The following SSBP3 variants were observed in gnomAD, a reference collection of about 807,000 sequenced individuals.
SSBP3 encodes single stranded DNA binding protein 3.
A neutral mutation model predicts 69.6 loss-of-function variants in SSBP3; 5 were observed. The ratio of observed to expected loss-of-function variants is 0.07; its 90% CI spans 0.04 to 0.15. SSBP3 has a LOEUF of 0.15. Among genes scored for constraint, SSBP3 ranks in the 10% least tolerant of loss-of-function variants. SSBP3 has a pLI of 1.00. For missense variants in SSBP3, 312 were observed against 534.0 expected (o/e 0.58, Z 4.10); for synonymous variants, 196 against 193.4 (o/e 1.01, Z -0.11).
At position 54,401,384 on chromosome 1, in the gene SSBP3, A is replaced by ACACACACACACG. The variant is rs527741021; in HGVS notation, c.276+476_276+477insCGTGTGTGTGTG. ...ATGAGCCCACCCACACCAAACACAC[A>ACACACACACACG]CACACACACACACACACACCCATAA... On this transcript the variant is annotated intron_variant, in intron 4 of 17. Transcript: ENST00000610401. Among the ~76,000 whole-genome samples the ACACACACACACG allele has an allele frequency of 1.8e-3, 268 of 151,956 alleles. 15 individuals are homozygous for ACACACACACACG. The South Asian group carries it at 0.04, about 23-fold the overall frequency.
At chr1:54,315,586 A>G (rs1646081107) in intron 4 of SSBP3, among the ~76,000 whole-genome samples, 1 of 151,410 alleles carries the variant, frequency 6.6e-6, no homozygotes, top group Admixed American at 6.6e-5. Flanking sequence ...AATTAAGACA[A>G]CTTTTTTTTA....
At chr1:54,347,370 TAA>T (rs201565456) in intron 4 of SSBP3, among the ~76,000 whole-genome samples, 27 of 140,256 alleles carry the variant, frequency 1.9e-4, no homozygotes, top group Non-Finnish European at 2.2e-4. Flanking sequence ...GTCCCCTTTT[TAA>T]AAAAAAAAAA....
intron 4 of SSBP3, among the ~76,000 whole-genome samples, chr1:54,323,384 C>G (rs1646248347): frequency 6.6e-6 from 1 of 152,200 alleles, no homozygotes; most frequent in African/African-American, 2.4e-5. Flanking sequence ...CAAGACCCCT[C>G]CAGCAGGTGG....
chr1:54,299,844 GCTC>G (rs1172683086), intron 4 of SSBP3, among the ~76,000 whole-genome samples: 3 of 152,114 alleles, frequency 2.0e-5, no homozygotes, highest in Non-Finnish European at 2.9e-5. Context: ...AGGATTTTCT[GCTC>G]CTTGCCACAC....
chr1:54,314,616 C>T (rs1017823856), intron 4 of SSBP3, among the ~76,000 whole-genome samples: 1 of 152,220 alleles, frequency 6.6e-6, no homozygotes, highest in Non-Finnish European at 1.5e-5. Context: ...CTTGAACATG[C>T]TTCCCTAGAC....
chr1:54,377,752 C>G (rs527429093), intron 4 of SSBP3, among the ~76,000 whole-genome samples: 1 of 152,144 alleles, frequency 6.6e-6, no homozygotes, highest in South Asian at 2.1e-4. Context: ...GTTGGTGATA[C>G]GTCCTAGAAA....
intron 4 of SSBP3, among the ~76,000 whole-genome samples, chr1:54,364,895 A>T (rs1647005223): frequency 1.3e-5 from 2 of 152,204 alleles, no homozygotes; most frequent in African/African-American, 4.8e-5. Flanking sequence ...TGAATAGTCC[A>T]AACTAGCGGG....
chr1:54,289,036 ACAAAAAAAC>A (rs770183042), intron 4 of SSBP3, among the ~76,000 whole-genome samples: 47 of 52,658 alleles, frequency 8.9e-4, no homozygotes, highest in South Asian at 2.9e-3. Flanking sequence ...AAAAAAAAAA[ACAAAAAAAC>A]AAAAAAAAAA....
At chr1:54,233,923 G>C (rs1195111519) in intron 14 of SSBP3, among the ~76,000 whole-genome samples, 8 of 152,380 alleles carry the variant, frequency 5.3e-5, no homozygotes, top group Middle Eastern at 3.4e-3. Flanking sequence ...GAAAGGTGGG[G>C]AAAAGATTGA....
chr1:54,339,610 CCTTAAGAAAGGG>C (rs557534766), intron 4 of SSBP3, among the ~76,000 whole-genome samples: 1 of 151,816 alleles, frequency 6.6e-6, no homozygotes, highest in South Asian at 2.1e-4. Flanking sequence ...ATCTCTAGTG[CCTTAAGAAAGGG>C]GAAAGATCAG....
At chr1:54,266,635 C>T (rs1326852728) in intron 5 of SSBP3, among the ~76,000 whole-genome samples, 3 of 152,178 alleles carry the variant, frequency 2.0e-5, no homozygotes, top group Non-Finnish European at 4.4e-5. Context: ...TTGATTTTAA[C>T]CTCACATTTC....
chr1:54,397,847 G>A (rs1186994638), intron 4 of SSBP3, among the ~76,000 whole-genome samples: 1 of 152,144 alleles, frequency 6.6e-6, no homozygotes, highest in Admixed American at 6.6e-5. Flanking sequence ...CCTGCCAAAA[G>A]TTAAGAGCCG....
chr1:54,405,986 G>A (rs756988753), exon 1 of SSBP3: 4 of 1,476,470 alleles, frequency 2.7e-6, no homozygotes, highest in South Asian at 2.5e-5. Context: ...GGGCACCGCC[G>A]AGCCTTTGCC....
chr1:54,232,921 C>G (rs1157026662), intron 14 of SSBP3, among the ~76,000 whole-genome samples: 1 of 152,150 alleles, frequency 6.6e-6, no homozygotes, highest in Non-Finnish European at 1.5e-5. Context: ...GGCGTGATCT[C>G]GGCTCGCTAC....
At chr1:54,289,793 G>A (rs972397622) in intron 4 of SSBP3, among the ~76,000 whole-genome samples, 9 of 151,730 alleles carry the variant, frequency 5.9e-5, no homozygotes, top group Non-Finnish European at 1.0e-4. Context: ...GACGCCACCC[G>A]CCCCCTGCAC....
intron 4 of SSBP3, among the ~76,000 whole-genome samples, chr1:54,367,938 A>G (rs920072806): frequency 3.9e-5 from 6 of 152,340 alleles, no homozygotes; most frequent in Non-Finnish European, 7.3e-5. Flanking sequence ...GAAAACTGGA[A>G]ACAAGCAATA....
intron 4 of SSBP3, among the ~76,000 whole-genome samples, chr1:54,355,467 A>C (rs1185845723): frequency 6.6e-6 from 1 of 152,148 alleles, no homozygotes; most frequent in African/African-American, 2.4e-5. Flanking sequence ...TCCCGCCTCA[A>C]CTTCCCAAGT....
intron 14 of SSBP3, among the ~76,000 whole-genome samples, chr1:54,232,012 CT>C (rs1644388072): frequency 6.6e-6 from 1 of 152,144 alleles, no homozygotes; most frequent in Admixed American, 6.5e-5. Context: ...TCTACTTTAA[CT>C]TTTGTGTACT....
intron 4 of SSBP3, among the ~76,000 whole-genome samples, chr1:54,340,120 A>G (rs1292996927): frequency 6.6e-6 from 1 of 152,120 alleles, no homozygotes; most frequent in Non-Finnish European, 1.5e-5. Flanking sequence ...GTAAGCTCTC[A>G]GGTCCCTGAC....
Sources: gnomAD v4.1 joint callset for allele counts (sites outside exome capture counted in the v4.1 genomes callset) on GRCh38, gnomAD v4.1.1 for gene constraint, MANE v1.5 for transcripts, NCBI Gene and HGNC (gene_info 2026-07-23, HGNC 2026-07-21) for gene names.